CHEK2: variants seen among roughly 807,000 people sequenced by gnomAD.
CHEK2 encodes the protein serine/threonine-protein kinase Chk2.
In CHEK2, 71 loss-of-function variants were observed where a neutral mutation model predicts 69.1. The observed-to-expected ratio is 1.03, with a 90% CI of 0.85 to 1.25. CHEK2 has a LOEUF of 1.25. Ranked by LOEUF, CHEK2 falls within the 50% of genes most tolerant of loss-of-function variation. The pLI is 0.00. For synonymous variants in CHEK2, 189 were observed against 226.9 expected, an observed-to-expected ratio of 0.83 and a Z score of 1.50; for missense variants, 664 against 649.6, an observed-to-expected ratio of 1.02 and a Z score of -0.24.
intron 1 of CHEK2, among the ~76,000 whole-genome samples, chr22:28,739,748 G>T (rs2054505471): frequency 6.6e-6 from 1 of 152,050 alleles, no homozygotes; most frequent in Admixed American, 6.6e-5. Context: ...AGTTAAAATG[G>T]TTTGTATAAA....
intron 13 of CHEK2, among the ~76,000 whole-genome samples, chr22:28,692,028 G>A (rs1056751849): frequency 2.0e-5 from 3 of 152,190 alleles, no homozygotes. Context: ...ACAAAAGGTG[G>A]CTAAAAGAGT....
intron 12 of CHEK2, 143 bp downstream of exon 12, chr22:28,694,984 C>T (rs147488236): frequency 7.9e-5 from 51 of 642,702 alleles, no homozygotes; most frequent in Non-Finnish European, 1.4e-4. Flanking sequence ...ATTTCCAGTG[C>T]CTCTCAAATG....
chr22:28,708,109 G>C (rs1292748101), intron 7 of CHEK2, among the ~76,000 whole-genome samples: 1 of 152,168 alleles, frequency 6.6e-6, no homozygotes, highest in East Asian at 1.9e-4. Context: ...AAAGTGCTGG[G>C]ATTACAGGCG....
intron 8 of CHEK2, among the ~76,000 whole-genome samples, chr22:28,703,266 G>A (rs150796951): frequency 8.4e-4 from 128 of 152,272 alleles, no homozygotes; most frequent in African/African-American, 2.9e-3. Flanking sequence ...ACTGCAGAGT[G>A]GAGTTCAAGT....
chr22:28,698,228 T>TAAGAAAAAAAAAAA (rs2052668864), intron 9 of CHEK2, among the ~76,000 whole-genome samples: 1 of 81,900 alleles, frequency 1.2e-5, no homozygotes, highest in Non-Finnish European at 2.5e-5. Flanking sequence ...CTATCTTTAC[T>TAAGAAAAAAAAAAA]AAAAAAAAAA....
chr22:28,726,138 G>A (rs1041949864), intron 2 of CHEK2: 1 of 152,072 alleles, frequency 6.6e-6, no homozygotes, highest in Non-Finnish European at 1.5e-5. Context: ...GGGAGGTGGA[G>A]GATGCAGTGA....
rs878854908 is a variant in CHEK2 at position 28,696,953 on chromosome 22, A to G, written c.1043T>C (p.Leu348Ser). The change falls in exon 10 of 15, where the codon TTA becomes TCA. Residue 348 changes from leucine to serine, a missense_variant. Physicochemically the swap from Leu to Ser is moderately radical, Grantham distance 145. Transcript: ENST00000404276. Reference sequence around the variant, plus strand: ...TGACAGTAAAACATTCTCTGGCTTTAAGTCACGGTGTATAATACCGTTTTC... The same window carrying G: ...TGACAGTAAAACATTCTCTGGCTTTGAGTCACGGTGTATAATACCGTTTTC... The part of the protein sequence containing the change: ...LHENGIIHRD[L>S]KPENVLLSSQ... The G allele has an allele frequency of 1.2e-6, 2 of 1,613,468 alleles. No individual in the cohort carries two copies. The highest frequency in any genetic ancestry group is 2.7e-5 in the African/African-American group (2 of 74,932).
In CHEK2 at chr22:28,725,042, C is replaced by T. The variant is rs1555926854; in HGVS notation, c.527G>A (p.Gly176Glu). ...ATTCAAAGGACGGCGTTTTCCTTTC[C>T]CTACAAGCTCTGTATTTACAAAGGT... ...NGTFVNTELV[G>E]KGKRRPLNNN... Residue 176 changes from glycine to glutamate, a missense_variant, in exon 4 of 15, where the codon GGG (glycine) becomes GAG (glutamate). Coordinates refer to ENST00000404276, the MANE Select transcript of CHEK2 (RefSeq NM_007194.4). The T allele has an allele frequency of 1.2e-6, 2 of 1,614,026 alleles. No individual in the cohort carries two copies. The highest frequency in any genetic ancestry group is 2.2e-5 in the South Asian group (2 of 91,080).
At chr22:28,713,712 G>C (rs983906872) in intron 5 of CHEK2, among the ~76,000 whole-genome samples, 4 of 150,688 alleles carry the variant, frequency 2.7e-5, no homozygotes, top group African/African-American at 9.8e-5. Flanking sequence ...ATATAGGCTC[G>C]ATCTGTCACC....
At chr22:28,693,891 C>T (rs1405192352) in intron 13 of CHEK2, 141 bp downstream of exon 13, 1 of 723,982 alleles carries the variant, frequency 1.4e-6, no homozygotes, top group Non-Finnish European at 2.5e-6. Context: ...GTAACCCATC[C>T]TCCAAGATAC....
chr22:28,720,651 C>A (rs1238989559), intron 4 of CHEK2, among the ~76,000 whole-genome samples: 1 of 152,162 alleles, frequency 6.6e-6, no homozygotes, highest in East Asian at 1.9e-4. Flanking sequence ...GTCTCTGGCA[C>A]AAATCTGAGC....
intron 2 of CHEK2, chr22:28,727,881 A>C (rs933721167): frequency 2.6e-5 from 4 of 152,258 alleles, no homozygotes; most frequent in African/African-American, 4.8e-5. Context: ...GGTATGAAAA[A>C]GCGGGTACTC....
chr22:28,713,941 A>G (rs1360257365), intron 5 of CHEK2, among the ~76,000 whole-genome samples: 2 of 152,118 alleles, frequency 1.3e-5, no homozygotes, highest in African/African-American at 2.4e-5. Flanking sequence ...TCAGCCTCCC[A>G]AAGTGCTGGG....
chr22:28,703,678 G>A, intron 7 of CHEK2, 112 bp from the exon 8 acceptor site: 1 of 707,180 alleles, frequency 1.4e-6, no homozygotes, highest in South Asian at 1.7e-5. Flanking sequence ...CAGGCATCTG[G>A]CCCCCTGCCT....
At chr22:28,702,875 C>G (rs938825145) in intron 8 of CHEK2, among the ~76,000 whole-genome samples, 1 of 152,124 alleles carries the variant, frequency 6.6e-6, no homozygotes, top group Non-Finnish European at 1.5e-5. Flanking sequence ...CTCTAAAATA[C>G]TTACAAAACC....
In CHEK2 at chr22:28,702,289, A is replaced by G. The variant is rs1473829236; in HGVS notation, c.908+1216T>C. ...AGTCTCGCTCTGTCACCCAGGCTGG[A>G]ATGCAGTGGCGCGATCTCAGCTCAT... On this transcript the variant is annotated intron_variant, in intron 8 of 14. Transcript: ENST00000404276. 2.7e-5 allele frequency among the ~76,000 whole-genome samples: 4 copies of G among 150,302 alleles called. No individual in the cohort carries two copies. In the Admixed American group the frequency reaches 2.7e-4, roughly 10 times the overall value.
intron 1 of CHEK2, among the ~76,000 whole-genome samples, chr22:28,738,663 C>G (rs1350524042): frequency 6.6e-6 from 1 of 152,126 alleles, no homozygotes; most frequent in Non-Finnish European, 1.5e-5. Flanking sequence ...GAAATCCAGT[C>G]CCAAAACCTA....
intron 1 of CHEK2, among the ~76,000 whole-genome samples, chr22:28,739,788 G>A (rs1326404075): frequency 6.6e-6 from 1 of 152,172 alleles, no homozygotes; most frequent in Non-Finnish European, 1.5e-5. Flanking sequence ...TGGAAAGAAT[G>A]TGCAGAAAGG....
chr22:28,688,352 C>G (rs1306856265), intron 14 of CHEK2, among the ~76,000 whole-genome samples: 5 of 152,216 alleles, frequency 3.3e-5, no homozygotes, highest in African/African-American at 1.2e-4. Flanking sequence ...ACCTTTGTGC[C>G]TTAGTTGTTT....
Sources: gnomAD v4.1 joint callset for allele counts (sites outside exome capture counted in the v4.1 genomes callset) on GRCh38, gnomAD v4.1.1 for gene constraint, MANE v1.5 for transcripts, NCBI Gene and HGNC (gene_info 2026-07-23, HGNC 2026-07-21) for gene names.